UNC13C: variants seen among roughly 807,000 people sequenced by gnomAD.
UNC13C encodes the protein protein unc-13 homolog C.
Under a neutral mutation model 245.4 loss-of-function variants are expected in UNC13C, and 174 were observed. The observed-to-expected ratio is 0.71, with a 90% CI of 0.63 to 0.80. UNC13C has a LOEUF of 0.80. Ranked by LOEUF, UNC13C falls within the 30% of genes least tolerant of loss-of-function variation. The pLI, the probability that UNC13C is intolerant of heterozygous loss-of-function variation, is 0.00. For missense variants in UNC13C, 2,829 were observed against 2,602.9 expected (o/e 1.09, Z -1.89); for synonymous variants, 992 against 895.1 (o/e 1.11, Z -1.93).
chr15:54,248,572 A>G (rs1251302777), intron 7 of UNC13C, among the ~76,000 whole-genome samples: 1 of 52,606 alleles, frequency 1.9e-5, no homozygotes, highest in Non-Finnish European at 3.1e-5. Flanking sequence ...TGCTTCAGAC[A>G]CTCTTTATTG....
intron 10 of UNC13C, among the ~76,000 whole-genome samples, chr15:54,279,636 G>GTT (rs1389873477): frequency 1.3e-5 from 2 of 152,186 alleles, no homozygotes; most frequent in African/African-American, 4.8e-5. Context: ...TAAGAGAAAG[G>GTT]ATGCCAGGTG....
At chr15:54,608,243 G>A (rs866862212) in intron 30 of UNC13C, among the ~76,000 whole-genome samples, 34 of 152,112 alleles carry the variant, frequency 2.2e-4, no homozygotes, top group African/African-American at 7.0e-4. Flanking sequence ...ACAAAAAGAC[G>A]TAAAGGAATT....
At chr15:54,228,853 G>A (rs761906450) in intron 4 of UNC13C, among the ~76,000 whole-genome samples, 6 of 152,186 alleles carry the variant, frequency 3.9e-5, no homozygotes, top group South Asian at 2.1e-4. Context: ...GTCTCCCTGA[G>A]CCACCTAGAT....
intron 13 of UNC13C, among the ~76,000 whole-genome samples, chr15:54,313,390 T>A (rs2037924920): frequency 6.6e-6 from 1 of 151,848 alleles, no homozygotes; most frequent in Non-Finnish European, 1.5e-5. Flanking sequence ...AAGTAATGTT[T>A]CTTGGTCAAT....
chr15:54,219,678 GA>G (rs2035160965), intron 4 of UNC13C, among the ~76,000 whole-genome samples: 1 of 151,430 alleles, frequency 6.6e-6, no homozygotes, highest in Non-Finnish European at 1.5e-5. Context: ...CAAAATGGGA[GA>G]AAATTTTCGC....
At chr15:54,591,410 A>T (rs2681958) in intron 30 of UNC13C, among the ~76,000 whole-genome samples, 35 of 151,946 alleles carry the variant, frequency 2.3e-4, no homozygotes, top group Non-Finnish European at 5.9e-5. Flanking sequence ...CTGTGAATCC[A>T]TCTGGTCCTG....
At chr15:54,470,953 A>AT (rs900671770) in intron 19 of UNC13C, among the ~76,000 whole-genome samples, 1 of 150,824 alleles carries the variant, frequency 6.6e-6, no homozygotes, top group Non-Finnish European at 1.5e-5. Context: ...AAATTTTTTC[A>AT]TTTTTTTAAC....
At chr15:53,997,576 T>C (rs1290515917) in intron 1 of UNC13C, among the ~76,000 whole-genome samples, 1 of 152,168 alleles carries the variant, frequency 6.6e-6, no homozygotes, top group Non-Finnish European at 1.5e-5. Context: ...TCTACTTTTC[T>C]TGTGTTTATA....
At position 54,248,563 on chromosome 15, in the gene UNC13C, G is replaced by T. The variant is rs527892541; in HGVS notation, c.3229-1662G>T. On this transcript the variant is annotated intron_variant, in intron 7 of 32. Transcript: ENST00000260323. ...TGAAATGAAGCCAGGAGATTTACTT[G>T]CTTCAGACACTCTTTATTGAGCCAG... Among the ~76,000 whole-genome samples the T allele has an allele frequency of 2.1e-4, 11 of 52,586 alleles. No individual in the cohort carries two copies. In the South Asian group the frequency reaches 6.8e-3, roughly 32 times the overall value. The allele number at this position is 52,586 out of a possible 152,430, so 34.5% of individuals were successfully genotyped here.
At chr15:54,505,865 G>T (rs764914557) in intron 22 of UNC13C, among the ~76,000 whole-genome samples, 11 of 150,498 alleles carry the variant, frequency 7.3e-5, no homozygotes, top group Non-Finnish European at 1.2e-4. Flanking sequence ...GGCATTTGTA[G>T]GCTATTACGT....
At position 54,299,933 on chromosome 15, in the gene UNC13C, T is replaced by C. The variant is rs144859559; in HGVS notation, c.4105-277T>C. On this transcript the variant is annotated intron_variant, in intron 12 of 32. Transcript: ENST00000260323. The stretch of plus-strand genomic sequence containing the variant: ...ACAAAGCCTGTTACTGTCAGAGACC[T>C]ATCCAGAGCTATTATGACATCTTGT... Among the ~76,000 whole-genome samples the C allele has an allele frequency of 4.3e-3, 651 of 152,314 alleles. 4 individuals carry two copies. Among genetic ancestry groups the C allele is most frequent in the African/African-American group, 0.015 (620 of 41,576 alleles).
At position 54,240,238 on chromosome 15, in the gene UNC13C, C is replaced by G. The variant is rs767251431; in HGVS notation, c.3228+2548C>G. ...TCTCAGATTCGTAAAGCCCATTTCCCTGGGACTCATGCCTCAAAAAGTAAA... is the reference window on the plus strand; with the variant it reads ...TCTCAGATTCGTAAAGCCCATTTCCGTGGGACTCATGCCTCAAAAAGTAAA... On this transcript the variant is annotated intron_variant, in intron 7 of 32. Transcript: ENST00000260323. 3.3e-5 allele frequency among the ~76,000 whole-genome samples: 5 copies of G among 152,250 alleles called. No individual in the cohort carries two copies. In the Middle Eastern group the frequency reaches 0.017, roughly 518 times the overall value.
chr15:54,630,904 C>T (rs1901444939), downstream of UNC13C: 1 of 151,990 alleles, frequency 6.6e-6, no homozygotes, highest in African/African-American at 2.4e-5. Context: ...AATCCTTTGG[C>T]ATGTTATGGT....
intron 4 of UNC13C, among the ~76,000 whole-genome samples, chr15:54,156,340 C>T (rs1029102735): frequency 6.6e-6 from 1 of 152,116 alleles, no homozygotes; most frequent in Non-Finnish European, 1.5e-5. Context: ...TCTAAGGTGC[C>T]AGGTAGGAAA....
At chr15:54,248,903 A>G (rs1350987940) in intron 7 of UNC13C, among the ~76,000 whole-genome samples, 1 of 152,248 alleles carries the variant, frequency 6.6e-6, no homozygotes, top group East Asian at 1.9e-4. Flanking sequence ...ATAAAGGGAA[A>G]TATGCTGTTA....
At chr15:54,097,524 C>G (rs1269307749) in intron 2 of UNC13C, among the ~76,000 whole-genome samples, 1 of 152,116 alleles carries the variant, frequency 6.6e-6, no homozygotes, top group Non-Finnish European at 1.5e-5. Flanking sequence ...ATTTATTTCT[C>G]CTTTAACTTG....
chr15:54,349,141 ATAT>A (rs1262785987), intron 17 of UNC13C, among the ~76,000 whole-genome samples: 4 of 148,872 alleles, frequency 2.7e-5, no homozygotes, highest in Admixed American at 6.7e-5. Context: ...ATATCATTTG[ATAT>A]TATATAAAAT....
At chr15:53,985,118 C>T (rs1490624381) in intron 1 of UNC13C, among the ~76,000 whole-genome samples, 6 of 151,914 alleles carry the variant, frequency 3.9e-5, no homozygotes, top group Non-Finnish European at 8.8e-5. Context: ...CTCCAACAGG[C>T]CCTGGTGTGT....
At chr15:54,447,090 C>T (rs1439634094) in intron 19 of UNC13C, among the ~76,000 whole-genome samples, 1 of 152,060 alleles carries the variant, frequency 6.6e-6, no homozygotes, top group East Asian at 1.9e-4. Flanking sequence ...TGCTGGATTA[C>T]GTTTATTGAT....
Sources: allele counts gnomAD v4.1 joint callset (sites outside exome capture counted in the v4.1 genomes callset), GRCh38; gene constraint gnomAD v4.1.1; transcripts MANE v1.5; gene names NCBI Gene and HGNC (gene_info 2026-07-23, HGNC 2026-07-21).